SLCO2A1: variants seen among roughly 807,000 people sequenced by gnomAD.
SLCO2A1 encodes the protein solute carrier organic anion transporter family member 2A1.
A neutral mutation model predicts 71.7 loss-of-function variants in SLCO2A1; 60 were observed. The observed-to-expected ratio is 0.84, with a 90% confidence interval of 0.68 to 1.04. The LOEUF is 1.04. Among genes scored for constraint, SLCO2A1 ranks in the 50% least tolerant of loss-of-function variants. The pLI, the probability that SLCO2A1 is intolerant of heterozygous loss-of-function variation, is 0.00. For missense variants in SLCO2A1, 745 were observed against 813.4 expected, an observed-to-expected ratio of 0.92 and a Z score of 1.02; for synonymous variants, 308 against 326.7, an observed-to-expected ratio of 0.94 and a Z score of 0.62.
At chr3:133,969,379 G>A (rs1012427914) in intron 3 of SLCO2A1, among the ~76,000 whole-genome samples, 1 of 152,066 alleles carries the variant, frequency 6.6e-6, no homozygotes, top group Non-Finnish European at 1.5e-5. Flanking sequence ...GCAGTGAGCC[G>A]AGATCGCACC....
chr3:133,954,886 G>A, intron 4 of SLCO2A1, 80 bp downstream of exon 4: 1 of 1,176,752 alleles, frequency 8.5e-7, no homozygotes, highest in Non-Finnish European at 1.2e-6. Context: ...TGGGACCTCA[G>A]TTTAGTGCCC....
Position 133,955,052 on chromosome 3 carries a change from G to C in SLCO2A1, c.539C>G (p.Ala180Gly). The C allele has an allele frequency of 1.2e-6, 2 of 1,614,196 alleles. No homozygotes were observed. Among genetic ancestry groups the C allele is most frequent in the Non-Finnish European group, 1.7e-6 (2 of 1,180,028 alleles). ...CTGAATAGGCACTGTCCCGATGCCA[G>C]CCAGCAGCTGGGCAACCACCATCAG... ...WGLMVVAQLL[A>G]GIGTVPIQPF... Residue 180 changes from alanine to glycine, a missense_variant, in exon 4 of 14, where the codon GCT becomes GGT. Transcript: ENST00000310926.
At chr3:133,976,113 G>A (rs1175774694) in intron 2 of SLCO2A1, among the ~76,000 whole-genome samples, 1 of 152,162 alleles carries the variant, frequency 6.6e-6, no homozygotes, top group Non-Finnish European at 1.5e-5. Flanking sequence ...TCAAGAGGAG[G>A]ACATAGTTGC....
intron 3 of SLCO2A1, among the ~76,000 whole-genome samples, chr3:133,965,668 C>T (rs1417966095): frequency 6.9e-6 from 1 of 145,818 alleles, no homozygotes; most frequent in African/African-American, 2.5e-5. Context: ...GTGTTTTGAC[C>T]GCAAGTTCAC....
chr3:134,028,128 G>A (rs1935735932), intron 1 of SLCO2A1, among the ~76,000 whole-genome samples: 2 of 152,036 alleles, frequency 1.3e-5, no homozygotes, highest in Non-Finnish European at 2.9e-5. Context: ...AACCAGGGTG[G>A]GTCTAAACGG....
At position 133,937,096 on chromosome 3, in the gene SLCO2A1, CGA is replaced by C. The variant is rs529829744; in HGVS notation, c.1691-1201_1691-1200del. Among the ~76,000 whole-genome samples the C allele has an allele frequency of 3.3e-5, 5 of 152,086 alleles. No homozygotes were observed. The East Asian group carries it at 5.8e-4, about 18-fold the overall frequency. On this transcript the variant is annotated intron_variant, in intron 12 of 13. Coordinates refer to ENST00000310926, the MANE Select transcript of SLCO2A1 (RefSeq NM_005630.3). ...AAAGCAGCGAGTGCTTCAAGCAGTG[CGA>C]GAGAGTCCGAGAGAGTCCTTGTTTT... is the stretch of plus-strand genomic sequence containing the variant.
At chr3:133,984,506 G>A (rs1163288344) in intron 1 of SLCO2A1, among the ~76,000 whole-genome samples, 1 of 152,172 alleles carries the variant, frequency 6.6e-6, no homozygotes, top group Non-Finnish European at 1.5e-5. Flanking sequence ...GAAGGAAGTC[G>A]ATGGATGGTT....
chr3:133,949,686 C>T (rs1239333391), intron 6 of SLCO2A1, among the ~76,000 whole-genome samples: 1 of 152,196 alleles, frequency 6.6e-6, no homozygotes, highest in African/African-American at 2.4e-5. Flanking sequence ...GACCTGTGCC[C>T]AGTATTCATA....
intron 1 of SLCO2A1, among the ~76,000 whole-genome samples, chr3:133,991,417 G>A (rs1934842620): frequency 6.6e-6 from 1 of 152,228 alleles, no homozygotes; most frequent in African/African-American, 2.4e-5. Flanking sequence ...TTCAAGAAGT[G>A]ATTCAGGAAA....
intron 12 of SLCO2A1, among the ~76,000 whole-genome samples, chr3:133,937,135 T>G (rs1933289033): frequency 6.6e-6 from 1 of 152,154 alleles, no homozygotes; most frequent in Non-Finnish European, 1.5e-5. Context: ...AAGGTCATTT[T>G]CAAGGTTGCT....
chr3:133,970,007 A>G (rs1934287524), intron 3 of SLCO2A1, among the ~76,000 whole-genome samples: 1 of 152,326 alleles, frequency 6.6e-6, no homozygotes, highest in African/African-American at 2.4e-5. Context: ...AGAACAGAGC[A>G]GAGGACCTAT....
In SLCO2A1 at chr3:133,938,953, G is replaced by A. The variant is rs545112614; in HGVS notation, c.1626-460C>T. Among the ~76,000 whole-genome samples the A allele has an allele frequency of 5.9e-5, 9 of 152,162 alleles. No individual in the cohort carries two copies. In the East Asian group the frequency reaches 9.7e-4, roughly 16 times the overall value. ...CAGGTCTGAACAACTCCCACAGAAT[G>A]TCTTATAACAGTAAAAGACAGCCCT... On this transcript the variant is annotated intron_variant, in intron 11 of 13. Transcript: ENST00000310926.
chr3:134,008,196 G>GTCTCT (rs1935260252), intron 1 of SLCO2A1, among the ~76,000 whole-genome samples: 1 of 152,148 alleles, frequency 6.6e-6, no homozygotes, highest in Admixed American at 6.5e-5. Flanking sequence ...ATCCAGTAAT[G>GTCTCT]TCTCTACCCC....
intron 3 of SLCO2A1, among the ~76,000 whole-genome samples, chr3:133,966,172 G>A (rs1027885358): frequency 1.3e-5 from 2 of 152,142 alleles, no homozygotes; most frequent in African/African-American, 4.8e-5. Context: ...AGTTTTATGG[G>A]GACACAGCCA....
At position 133,976,549 on chromosome 3, in the gene SLCO2A1, C is replaced by T. The variant is rs113777989; in HGVS notation, c.235-2724G>A. On this transcript the variant is annotated intron_variant, in intron 2 of 13. Coordinates refer to ENST00000310926, the MANE Select transcript of SLCO2A1 (RefSeq NM_005630.3). ...AAGACCTTGTTCTCAAACTTTTCTT[C>T]AGCCACAGAGTCCCTTTGAAAAAAC... Among the ~76,000 whole-genome samples the T allele has an allele frequency of 3.3e-5, 5 of 152,234 alleles. 1 individual carries two copies. Among genetic ancestry groups the T allele is most frequent in the African/African-American group, 1.2e-4 (5 of 41,474 alleles).
chr3:133,945,246 A>G lies in SLCO2A1; in HGVS notation c.1310T>C (p.Ile437Thr), dbSNP rs748907939. The G allele has an allele frequency of 1.9e-6, 3 of 1,605,864 alleles. No individual in the cohort carries two copies. Among genetic ancestry groups the G allele is most frequent in the South Asian group, 2.2e-5 (2 of 89,394 alleles). ...GCGGCAGGCAGGAGACTGCGGATGT[A>G]TAGAACTTGATGTGCTGCCAGCAAA... is the stretch of plus-strand genomic sequence containing the variant. ...EVYPPSTSSS[I>T]HPQSPACRRD... Residue 437 changes from isoleucine to threonine, a missense_variant, in exon 10 of 14, where the codon ATA becomes ACA. Transcript: ENST00000310926.
intron 12 of SLCO2A1, 73 bp from the exon 13 acceptor site, chr3:133,935,970 A>C: frequency 7.0e-7 from 1 of 1,420,366 alleles, no homozygotes; most frequent in Non-Finnish European, 9.3e-7. Flanking sequence ...TGTGGGAGCC[A>C]AGTCCCCGAC....
chr3:134,013,260 A>C (rs1185044378), intron 1 of SLCO2A1, among the ~76,000 whole-genome samples: 1 of 152,210 alleles, frequency 6.6e-6, no homozygotes, highest in Non-Finnish European at 1.5e-5. Flanking sequence ...TACACTGTAA[A>C]TCAAAGTTAC....
chr3:134,012,567 T>C (rs1270436289), intron 1 of SLCO2A1, among the ~76,000 whole-genome samples: 1 of 152,200 alleles, frequency 6.6e-6, no homozygotes, highest in African/African-American at 2.4e-5. Flanking sequence ...AGCACCATCT[T>C]TCAATAGCTC....
Sources: gnomAD v4.1 joint callset for allele counts (sites outside exome capture counted in the v4.1 genomes callset) on GRCh38, gnomAD v4.1.1 for gene constraint, MANE v1.5 for transcripts, NCBI Gene and HGNC (gene_info 2026-07-23, HGNC 2026-07-21) for gene names.